DNM3: variants seen among roughly 807,000 people sequenced by gnomAD.
DNM3 encodes the protein dynamin 3, also known as dynamin-3.
A neutral mutation model predicts 101.6 loss-of-function variants in DNM3; 47 were observed. The ratio of observed to expected loss-of-function variants is 0.46; its 90% CI spans 0.37 to 0.59. The LOEUF (loss-of-function observed/expected upper bound fraction) is 0.59. Among genes scored for constraint, DNM3 ranks in the 20% least tolerant of loss-of-function variants. DNM3 has a pLI of 0.00. For synonymous variants in DNM3, 385 were observed against 387.9 expected (o/e 0.99, Z 0.09); for missense variants, 849 against 1,085.7 (o/e 0.78, Z 3.06).
intron 1 of DNM3, among the ~76,000 whole-genome samples, chr1:171,900,426 C>A (rs2038207416): frequency 6.6e-6 from 1 of 151,922 alleles, no homozygotes; most frequent in Non-Finnish European, 1.5e-5. Context: ...ACCAAAGATA[C>A]TGAGAAGGAG....
intron 14 of DNM3, among the ~76,000 whole-genome samples, chr1:172,235,851 G>A (rs1377329989): frequency 6.6e-6 from 1 of 152,062 alleles, no homozygotes; most frequent in Non-Finnish European, 1.5e-5. Context: ...GTTTTGGGGT[G>A]GGGAGAGTGG....
chr1:171,878,780 C>T (rs966022421), intron 1 of DNM3, among the ~76,000 whole-genome samples: 6 of 152,244 alleles, frequency 3.9e-5, no homozygotes, highest in South Asian at 2.1e-4. Flanking sequence ...GGACCTTCAT[C>T]AAGCAGATTC....
chr1:172,193,884 A>G (rs2059838918), intron 14 of DNM3, among the ~76,000 whole-genome samples: 2 of 151,768 alleles, frequency 1.3e-5, no homozygotes, highest in South Asian at 2.1e-4. Flanking sequence ...GATCTTAGTT[A>G]TTTCTTGCCT....
intron 14 of DNM3, among the ~76,000 whole-genome samples, chr1:172,235,782 G>T (rs184308187): frequency 9.3e-4 from 141 of 152,186 alleles, no homozygotes; most frequent in African/African-American, 3.3e-3. Flanking sequence ...ACTCATAGGT[G>T]GGAATTGAAC....
chr1:171,854,416 C>T (rs1339642810), intron 1 of DNM3, among the ~76,000 whole-genome samples: 1 of 152,096 alleles, frequency 6.6e-6, no homozygotes, highest in Non-Finnish European at 1.5e-5. Flanking sequence ...ATTATTATTA[C>T]TGGGGATGGA....
intron 13 of DNM3, among the ~76,000 whole-genome samples, chr1:172,093,365 TAAG>T (rs2054040660): frequency 6.6e-6 from 1 of 152,228 alleles, no homozygotes; most frequent in African/African-American, 2.4e-5. Context: ...TGTTAATTCC[TAAG>T]AAGATCTGAT....
intron 2 of DNM3, among the ~76,000 whole-genome samples, chr1:171,950,281 C>T (rs533407047): frequency 6.6e-6 from 1 of 152,248 alleles, no homozygotes; most frequent in South Asian, 2.1e-4. Context: ...AAATTGTTGA[C>T]TTTATGATGG....
rs562017693 is a variant in DNM3, at chr1:171,843,789, G to C, written c.161+1972G>C. Among the ~76,000 whole-genome samples the C allele has an allele frequency of 9.9e-5, 15 of 152,150 alleles. No homozygotes were observed. In the South Asian group the frequency reaches 3.1e-3, roughly 32 times the overall value. ...GTTCTTTTGGAATAATTTGAAAAAAGAAATGTAGAAGAGTAAAATATTTAA... is the reference window on the plus strand; with the variant it reads ...GTTCTTTTGGAATAATTTGAAAAAACAAATGTAGAAGAGTAAAATATTTAA... On this transcript the variant is annotated intron_variant, in intron 1 of 20. Coordinates refer to ENST00000627582, the MANE Select transcript of DNM3 (RefSeq NM_015569.5).
At chr1:172,303,768 C>T (rs1057395054) in intron 15 of DNM3, among the ~76,000 whole-genome samples, 35 of 152,120 alleles carry the variant, frequency 2.3e-4, no homozygotes, top group African/African-American at 8.5e-4. Flanking sequence ...AATTTCATAT[C>T]CAGCCAAACT....
At chr1:171,988,850 C>A in intron 3 of DNM3, 95 bp from the exon 4 acceptor site, 1 of 1,140,050 alleles carries the variant, frequency 8.8e-7, no homozygotes, top group South Asian at 1.7e-5. Context: ...TTCAGATACA[C>A]AAAGTAGAAG....
At chr1:172,032,526 CTTTTTTTTTTTTTTTTT>C (rs750270768) in intron 5 of DNM3, 26 bp downstream of exon 5, 7 of 357,654 alleles carry the variant, frequency 2.0e-5, no homozygotes, top group South Asian at 5.6e-5. Context: ...CTATACAAGA[CTTTTTTTTTTTTTTTTT>C]TTTTTTTTTT....
chr1:171,964,507 TG>T (rs1199052062), intron 2 of DNM3, among the ~76,000 whole-genome samples: 5 of 152,166 alleles, frequency 3.3e-5, no homozygotes, highest in Non-Finnish European at 2.9e-5. Context: ...CATGTACCGA[TG>T]GATGTCTTAT....
At chr1:172,342,285 C>T (rs1256206350) in intron 17 of DNM3, among the ~76,000 whole-genome samples, 1 of 152,102 alleles carries the variant, frequency 6.6e-6, no homozygotes, top group Non-Finnish European at 1.5e-5. Flanking sequence ...ATAAATTGTT[C>T]TACCATAAGG....
intron 4 of DNM3, among the ~76,000 whole-genome samples, chr1:172,028,142 C>G (rs1192617805): frequency 6.6e-6 from 1 of 152,146 alleles, no homozygotes; most frequent in Non-Finnish European, 1.5e-5. Flanking sequence ...ATCACACTTA[C>G]TCCAAAATTG....
chr1:172,235,451 A>T (rs1401236096), intron 14 of DNM3, among the ~76,000 whole-genome samples: 3 of 152,176 alleles, frequency 2.0e-5, no homozygotes, highest in Non-Finnish European at 2.9e-5. Flanking sequence ...ATTCCTCAGG[A>T]TCTAGAACTA....
intron 14 of DNM3, among the ~76,000 whole-genome samples, chr1:172,215,960 TA>T (rs35363776): frequency 0.24 from 32,537 of 136,836 alleles, 4,373 homozygotes; most frequent in Middle Eastern, 0.36. Context: ...ACACTCTCTT[TA>T]AAAAAAAAAG....
At chr1:172,051,761 G>C (rs928540046) in intron 10 of DNM3, among the ~76,000 whole-genome samples, 1 of 152,146 alleles carries the variant, frequency 6.6e-6, no homozygotes, top group African/African-American at 2.4e-5. Context: ...TTAAACCTTA[G>C]AGCCCACAAG....
In DNM3 at chr1:172,411,574, A is replaced by G. The variant is rs2149137479; in HGVS notation, c.*3733A>G. The G allele has an allele frequency of 1.0e-6, 1 of 984,118 alleles. No individual in the cohort carries two copies. The allele number at this position is 984,118 out of a possible 1,614,324, so 61.0% of individuals were successfully genotyped here. A position where few individuals can be genotyped will look rare whatever the true frequency, so the allele number is the denominator to read the frequency against. Reference sequence around the variant, plus strand: ...AAAAAGGACATAGCAACATTAAAGTAGTGGATTTTTCTGAGTAAATTTGCT... The same window carrying G: ...AAAAAGGACATAGCAACATTAAAGTGGTGGATTTTTCTGAGTAAATTTGCT... On this transcript the variant is annotated 3_prime_UTR_variant, in exon 21 of 21. Transcript: ENST00000627582.
In DNM3 at chr1:171,944,854, CCTTTTTTTTTTT is replaced by C. The variant is rs1309581195; in HGVS notation, c.235+23034_235+23045del. Reference sequence around the variant, plus strand: ...TTTGTTTTCTTTTTTTTTGGTGTTTCCTTTTTTTTTTTTTTTTTTTTTTTTTTGAGGCAGGGT... The same window carrying C: ...TTTGTTTTCTTTTTTTTTGGTGTTTCTTTTTTTTTTTTTTTGAGGCAGGGT... On this transcript the variant is annotated intron_variant, in intron 2 of 20. Coordinates refer to ENST00000627582, the MANE Select transcript of DNM3 (RefSeq NM_015569.5). 3.2e-4 allele frequency among the ~76,000 whole-genome samples: 12 copies of C among 37,588 alleles called. No homozygotes were observed. In the South Asian group the frequency reaches 4.1e-3, roughly 13 times the overall value. The allele number at this position is 37,588 out of a possible 152,430, so 24.7% of individuals were successfully genotyped here.
Sources: gnomAD v4.1 joint callset for allele counts (sites outside exome capture counted in the v4.1 genomes callset) on GRCh38, gnomAD v4.1.1 for gene constraint, MANE v1.5 for transcripts, NCBI Gene and HGNC (gene_info 2026-07-23, HGNC 2026-07-21) for gene names.